The following RGS6 variants were observed in gnomAD, a reference collection of about 807,000 sequenced individuals.
The protein encoded by RGS6 is regulator of G protein signaling 6, also known as regulator of G-protein signaling 6.
In RGS6, 30 loss-of-function variants were observed where a neutral mutation model predicts 78.5. That is an observed-to-expected ratio of 0.38 (90% CI 0.29 to 0.52). RGS6 has a LOEUF of 0.52. Among genes scored for constraint, RGS6 ranks in the 20% least tolerant of loss-of-function variants. The probability of loss-of-function intolerance (pLI) is 0.85; values close to 1 mark genes in which losing one functional copy is unlikely to be tolerated. For missense variants in RGS6, 495 were observed against 609.7 expected (o/e 0.81, Z 1.98); for synonymous variants, 206 against 206.0 (o/e 1.00, Z 0.00).
intron 15 of RGS6, among the ~76,000 whole-genome samples, chr14:72,525,329 C>A (rs1002588232): frequency 6.6e-6 from 1 of 152,180 alleles, no homozygotes; most frequent in Non-Finnish European, 1.5e-5. Flanking sequence ...ATGTTCTAGG[C>A]GCTGTGAATA....
At chr14:72,388,968 G>A (rs2089170124) in intron 3 of RGS6, among the ~76,000 whole-genome samples, 1 of 152,148 alleles carries the variant, frequency 6.6e-6, no homozygotes, top group South Asian at 2.1e-4. Context: ...AGTAGTAGTA[G>A]TATTGTTACT....
intron 15 of RGS6, among the ~76,000 whole-genome samples, chr14:72,526,368 G>A (rs752134013): frequency 6.6e-6 from 1 of 152,150 alleles, no homozygotes; most frequent in African/African-American, 2.4e-5. Flanking sequence ...GCCTCCCAGA[G>A]TGCTGGGATT....
intron 15 of RGS6, among the ~76,000 whole-genome samples, chr14:72,522,263 T>C (rs2097054827): frequency 6.6e-6 from 1 of 152,216 alleles, no homozygotes; most frequent in Non-Finnish European, 1.5e-5. Context: ...ATAAGAACAC[T>C]AATCCCGTCA....
rs1389645397 is a variant in RGS6, at chr14:72,396,916, G to A, written c.184+44722G>A. On this transcript the variant is annotated intron_variant, in intron 3 of 17. Transcript: ENST00000553525. Reference sequence around the variant, plus strand: ...TCCATTGGTCTATATCTCTGTTTTGGTACCAGTACCATGCTGTTTTGGTTA... The same window carrying A: ...TCCATTGGTCTATATCTCTGTTTTGATACCAGTACCATGCTGTTTTGGTTA... Among the ~76,000 whole-genome samples, 4 of 152,182 alleles carry A rather than the reference G, an allele frequency of 2.6e-5. No individual in the cohort carries two copies. The East Asian group carries it at 5.8e-4, about 22-fold the overall frequency.
intron 2 of RGS6, among the ~76,000 whole-genome samples, chr14:72,114,287 A>C (rs1050487007): frequency 2.0e-5 from 3 of 152,132 alleles, no homozygotes; most frequent in African/African-American, 7.2e-5. Flanking sequence ...CCCACCATTT[A>C]CTGCAGGCGG....
rs558841227 is a variant in RGS6 at position 72,327,593 on chromosome 14, G to C, written c.85-24502G>C. On this transcript the variant is annotated intron_variant, in intron 2 of 17. Coordinates refer to ENST00000553525, the MANE Select transcript of RGS6 (RefSeq NM_001204424.2). ...AGTCAGGTGTACTTCTTTCCCTGTT[G>C]TAAAAGTGATGCTTTTTATTCAGAG... 9.8e-5 allele frequency among the ~76,000 whole-genome samples: 15 copies of C among 152,328 alleles called. No individual in the cohort carries two copies. In the South Asian group the frequency reaches 2.9e-3, roughly 29 times the overall value.
At chr14:72,382,671 T>C (rs2086503006) in intron 3 of RGS6, among the ~76,000 whole-genome samples, 1 of 152,158 alleles carries the variant, frequency 6.6e-6, no homozygotes, top group Admixed American at 6.5e-5. Flanking sequence ...AGCAGCAAAA[T>C]TCTGGAATAA....
intron 2 of RGS6, among the ~76,000 whole-genome samples, chr14:71,996,044 A>G (rs1566982166): frequency 2.0e-5 from 3 of 151,998 alleles, no homozygotes; most frequent in Non-Finnish European, 1.5e-5. Flanking sequence ...GGATCCCTCT[A>G]ATTAGGTACA....
chr14:72,206,979 C>T (rs774997082), intron 2 of RGS6, among the ~76,000 whole-genome samples: 1 of 152,166 alleles, frequency 6.6e-6, no homozygotes, highest in Non-Finnish European at 1.5e-5. Flanking sequence ...AGGAGGGTTG[C>T]TTCCTGCTTT....
At position 72,476,841 on chromosome 14, in the gene RGS6, GT is replaced by G. The variant is rs1270262176; in HGVS notation, c.792+2del. The G allele has an allele frequency of 6.2e-7, 1 of 1,613,270 alleles. No individual in the cohort carries two copies. Among genetic ancestry groups the G allele is most frequent in the Non-Finnish European group, 8.5e-7 (1 of 1,179,316 alleles). ...AACAAAAGAGGACATCCGGAAACAG[GT>G]GAATGAATTGACAGCTTGCACTCTC... is the stretch of plus-strand genomic sequence containing the variant. On this transcript the variant is annotated splice_donor_variant, in intron 11 of 17. Transcript: ENST00000553525. LOFTEE classifies it high-confidence loss of function.
At chr14:71,988,738 T>C (rs1228098659) in intron 2 of RGS6, among the ~76,000 whole-genome samples, 3 of 152,164 alleles carry the variant, frequency 2.0e-5, no homozygotes, top group African/African-American at 7.2e-5. Context: ...GGACAATATT[T>C]CCATAGGAAC....
At chr14:72,357,280 G>A (rs2080514695) in intron 3 of RGS6, among the ~76,000 whole-genome samples, 1 of 151,154 alleles carries the variant, frequency 6.6e-6, no homozygotes, top group African/African-American at 2.4e-5. Flanking sequence ...AAAAAAAATA[G>A]AAAATATGGA....
intron 2 of RGS6, among the ~76,000 whole-genome samples, chr14:72,032,214 A>T (rs2091013262): frequency 6.6e-6 from 1 of 152,184 alleles, no homozygotes; most frequent in African/African-American, 2.4e-5. Context: ...GGGAAGGGTA[A>T]ATTGGTAAAA....
At chr14:72,540,158 T>C in intron 17 of RGS6, 64 bp downstream of exon 17, 1 of 275,240 alleles carries the variant, frequency 3.6e-6, no homozygotes, top group Non-Finnish European at 5.7e-6. Context: ...TTTCTTCTTC[T>C]TTTTTTTTTT....
chr14:72,151,453 A>G (rs1302530231), intron 2 of RGS6, among the ~76,000 whole-genome samples: 1 of 152,258 alleles, frequency 6.6e-6, no homozygotes, highest in Non-Finnish European at 1.5e-5. Context: ...GCATGGTTAC[A>G]GGAAGACTGA....
intron 2 of RGS6, among the ~76,000 whole-genome samples, chr14:72,028,481 A>G (rs1467584870): frequency 6.6e-6 from 1 of 152,272 alleles, no homozygotes; most frequent in African/African-American, 2.4e-5. Flanking sequence ...AACACTGTGC[A>G]TAGTGACTCT....
chr14:72,113,348 C>T (rs577481460), intron 2 of RGS6, among the ~76,000 whole-genome samples: 4 of 152,300 alleles, frequency 2.6e-5, no homozygotes, highest in Admixed American at 6.5e-5. Flanking sequence ...CAGATTCAGA[C>T]TCAGGACTCC....
At chr14:72,443,269 C>T (rs1237289112) in intron 3 of RGS6, among the ~76,000 whole-genome samples, 1 of 152,198 alleles carries the variant, frequency 6.6e-6, no homozygotes, top group Non-Finnish European at 1.5e-5. Context: ...CCCCATTTTG[C>T]AGATGGGTAA....
intron 2 of RGS6, among the ~76,000 whole-genome samples, chr14:72,043,680 A>G (rs951869446): frequency 2.0e-5 from 3 of 152,198 alleles, no homozygotes; most frequent in African/African-American, 7.2e-5. Context: ...TTTCAGCAGT[A>G]TAAATATGAT....
Sources: gnomAD v4.1 joint callset for allele counts (sites outside exome capture counted in the v4.1 genomes callset) on GRCh38, gnomAD v4.1.1 for gene constraint, MANE v1.5 for transcripts, NCBI Gene and HGNC (gene_info 2026-07-23, HGNC 2026-07-21) for gene names.